Variants in PRPSAP1 observed in about 807,000 individuals in gnomAD.
PRPSAP1 encodes the protein phosphoribosyl pyrophosphate synthetase associated protein 1.
Under a neutral mutation model 39.4 loss-of-function variants are expected in PRPSAP1, and 31 were observed. The ratio of observed to expected loss-of-function variants is 0.79; its 90% CI spans 0.59 to 1.06. PRPSAP1 has a LOEUF of 1.06. PRPSAP1 is among the 50% of genes least tolerant of loss of function. PRPSAP1 has a pLI of 0.00. For synonymous variants in PRPSAP1, 212 were observed against 192.6 expected, an observed-to-expected ratio of 1.10 and a Z score of -0.83; for missense variants, 430 against 511.6, an observed-to-expected ratio of 0.84 and a Z score of 1.54.
At chr17:76,344,792 G>A in intron 2 of PRPSAP1, 55 bp from the exon 3 acceptor site, 5 of 1,379,284 alleles carry the variant, frequency 3.6e-6, no homozygotes, top group Admixed American at 2.2e-5. Context: ...TTAAAAAGGA[G>A]AAAAAAGAAA....
rs772031475 is a variant in PRPSAP1 at position 76,330,036 on chromosome 17, T to A, written c.635+7A>T. The A allele has an allele frequency of 1.9e-6, 3 of 1,612,610 alleles. No individual in the cohort carries two copies. The highest frequency in any genetic ancestry group is 3.3e-5 in the Admixed American group (2 of 59,992). On this transcript the variant is annotated splice_region_variant and intron_variant, in intron 6 of 9. Coordinates refer to ENST00000446526, the MANE Select transcript of PRPSAP1 (RefSeq NM_002766.3). ...GAGGGATCAGGACCCATGTCTAGCT[T>A]ACTTACCTCTTTGCAGCATCAGGAG...
chr17:76,321,072 C>T (rs190853684), intron 7 of PRPSAP1, among the ~76,000 whole-genome samples: 10 of 152,186 alleles, frequency 6.6e-5, no homozygotes, highest in Middle Eastern at 3.4e-3. Context: ...CATGAGCCAC[C>T]GTGCCCAGCC....
At chr17:76,327,718 G>A (rs1241046380) in intron 7 of PRPSAP1, among the ~76,000 whole-genome samples, 1 of 152,126 alleles carries the variant, frequency 6.6e-6, no homozygotes, top group Non-Finnish European at 1.5e-5. Flanking sequence ...ATCAACAGCT[G>A]TCACCCAGCT....
intron 7 of PRPSAP1, 91 bp downstream of exon 7, chr17:76,328,626 A>T (rs910724062): frequency 1.3e-6 from 2 of 1,495,904 alleles, no homozygotes; most frequent in African/African-American, 1.4e-5. Flanking sequence ...AAACAAAACA[A>T]AACAAAACAA....
intron 9 of PRPSAP1, 140 bp downstream of exon 9, chr17:76,312,730 A>T: frequency 9.1e-7 from 1 of 1,094,434 alleles, no homozygotes. Context: ...CTAAACATGT[A>T]TCTGTCCCAA....
chr17:76,315,702 T>A (rs2071115651), intron 7 of PRPSAP1, among the ~76,000 whole-genome samples: 1 of 64,344 alleles, frequency 1.6e-5, no homozygotes, highest in Non-Finnish European at 3.0e-5. Flanking sequence ...CCTATCCGCT[T>A]TTTTTTTTTT....
At chr17:76,333,271 T>G (rs1161097647) in intron 3 of PRPSAP1, among the ~76,000 whole-genome samples, 1 of 152,044 alleles carries the variant, frequency 6.6e-6, no homozygotes. Flanking sequence ...CCACCACACG[T>G]GGCTAATTTT....
At chr17:76,338,111 C>T (rs1324077437) in intron 3 of PRPSAP1, among the ~76,000 whole-genome samples, 1 of 151,948 alleles carries the variant, frequency 6.6e-6, no homozygotes, top group African/African-American at 2.4e-5. Context: ...TTGCCATTTC[C>T]AAAAATTAAA....
chr17:76,339,166 A>G (rs985606578), intron 3 of PRPSAP1, among the ~76,000 whole-genome samples: 1 of 152,100 alleles, frequency 6.6e-6, no homozygotes, highest in African/African-American at 2.4e-5. Flanking sequence ...GCACTTTGGG[A>G]GGCCAAGGCG....
chr17:76,313,254 G>A, intron 8 of PRPSAP1: 1 of 396,538 alleles, frequency 2.5e-6, no homozygotes, highest in Non-Finnish European at 4.5e-6. Context: ...TACGGCTGGA[G>A]CTGAGGATTG....
At chr17:76,319,969 G>T (rs1422606224) in intron 7 of PRPSAP1, among the ~76,000 whole-genome samples, 1 of 151,772 alleles carries the variant, frequency 6.6e-6, no homozygotes, top group Non-Finnish European at 1.5e-5. Context: ...GAGACAAACT[G>T]AGCATTAAAA....
chr17:76,353,438 AG>A (rs2071601880), intron 1 of PRPSAP1, 95 bp downstream of exon 1: 3 of 1,201,358 alleles, frequency 2.5e-6, no homozygotes, highest in Non-Finnish European at 3.3e-6. Flanking sequence ...CCCCAGGTGC[AG>A]GAGGTGGGGC....
At chr17:76,324,117 T>G (rs1237080312) in intron 7 of PRPSAP1, among the ~76,000 whole-genome samples, 2 of 146,356 alleles carry the variant, frequency 1.4e-5, no homozygotes, top group Non-Finnish European at 3.0e-5. Context: ...CACTCCAGCC[T>G]GGGCAACAGA....
At chr17:76,344,831 G>C (rs2071478588) in intron 2 of PRPSAP1, 94 bp from the exon 3 acceptor site, 1 of 871,118 alleles carries the variant, frequency 1.1e-6, no homozygotes, top group East Asian at 2.5e-5. Context: ...CGGGCGCGGT[G>C]GCACATGCCT....
At chr17:76,354,048 C>T (rs2071616727), upstream of PRPSAP1, 9 of 1,096,916 alleles carry the variant, frequency 8.2e-6, no homozygotes, top group Non-Finnish European at 8.9e-6. Flanking sequence ...CACAGGTTCG[C>T]CCCGCCCCTG....
rs577265009 is a variant in PRPSAP1 at position 76,344,398 on chromosome 17, G to A, written c.290+273C>T. On this transcript the variant is annotated intron_variant, in intron 3 of 9. Coordinates refer to ENST00000446526, the MANE Select transcript of PRPSAP1 (RefSeq NM_002766.3). The stretch of plus-strand genomic sequence containing the variant: ...CCCGCCTCGGCCTCCCAAAGTGCTG[G>A]GATTACAGGCGTGAGCCATCGTGCC... 3.3e-5 allele frequency among the ~76,000 whole-genome samples: 5 copies of A among 152,282 alleles called. No individual in the cohort carries two copies. The South Asian group carries it at 1.0e-3, about 32-fold the overall frequency.
chr17:76,329,125 A>AG, intron 6 of PRPSAP1: 1 of 325,576 alleles, frequency 3.1e-6, no homozygotes, highest in Non-Finnish European at 5.6e-6. Context: ...GCTGGAGTGC[A>AG]GTGGCGTCAA....
chr17:76,321,490 G>A (rs185938344), intron 7 of PRPSAP1, among the ~76,000 whole-genome samples: 44 of 151,982 alleles, frequency 2.9e-4, no homozygotes, highest in Non-Finnish European at 5.3e-4. Context: ...GCAGTGAGCC[G>A]AGAGCCAGAG....
At chr17:76,311,771 C>G in intron 9 of PRPSAP1, 71 bp from the exon 10 acceptor site, 1 of 1,511,540 alleles carries the variant, frequency 6.6e-7, no homozygotes, top group Non-Finnish European at 8.9e-7. Context: ...CACAGAAAAG[C>G]TTATCTAACA....
Sources: allele counts gnomAD v4.1 joint callset (sites outside exome capture counted in the v4.1 genomes callset), GRCh38; gene constraint gnomAD v4.1.1; transcripts MANE v1.5; gene names NCBI Gene and HGNC (gene_info 2026-07-23, HGNC 2026-07-21).